Variants in CDH5 observed in about 807,000 individuals in gnomAD.
CDH5 encodes cadherin 5, also known as cadherin-5.
In CDH5, 28 loss-of-function variants were observed where a neutral mutation model predicts 62.0. The observed-to-expected ratio is 0.45, with a 90% confidence interval of 0.33 to 0.62. The LOEUF (loss-of-function observed/expected upper bound fraction) is 0.62, where lower values mean the gene tolerates loss of function less well. Among genes scored for constraint, CDH5 ranks in the 20% least tolerant of loss-of-function variants. The pLI is 0.02. For missense variants in CDH5, 940 were observed against 1,065.1 expected (o/e 0.88, Z 1.63); for synonymous variants, 464 against 445.8 (o/e 1.04, Z -0.52).
intron 1 of CDH5, chr16:66,377,292 G>T (rs1323092776): frequency 1.3e-5 from 2 of 152,278 alleles, no homozygotes; most frequent in Non-Finnish European, 2.9e-5. Context: ...GTCTCTTCCA[G>T]GTTGACCCCC....
chr16:66,404,568 A>T lies in CDH5; in HGVS notation c.*1399A>T, dbSNP rs1269105493. 1 of 152,338 alleles carries T rather than the reference A, an allele frequency of 6.6e-6. No homozygotes were observed. Among genetic ancestry groups the T allele is most frequent in the Non-Finnish European group, 1.5e-5 (1 of 68,042 alleles). 9.4% of individuals were successfully genotyped at this position (152,338 alleles called of 1,614,324 possible). A position where few individuals can be genotyped will look rare whatever the true frequency, so the allele number is the denominator to read the frequency against. On this transcript the variant is annotated 3_prime_UTR_variant, in exon 12 of 12. Transcript: ENST00000341529. ...TTACAAGTTTCTAGCTCTCACAGAC[A>T]TATAGAATAAGGGTTTTTGCATAAT...
rs1397690796 is a variant in CDH5, at chr16:66,394,787, T to C, written c.1218-1272T>C. Among the ~76,000 whole-genome samples, 4 of 151,234 alleles carry C rather than the reference T, an allele frequency of 2.6e-5. No individual in the cohort carries two copies. In the South Asian group the frequency reaches 8.3e-4, roughly 31 times the overall value. On this transcript the variant is annotated intron_variant, in intron 7 of 11. Transcript: ENST00000341529. The stretch of plus-strand genomic sequence containing the variant: ...GCCAGGTTTTTACTTTATATTGAGA[T>C]GTTTAGTTAGATACAGTAAGTTTTC...
chr16:66,370,614 T>C (rs977616059), intron 1 of CDH5, among the ~76,000 whole-genome samples: 1 of 152,132 alleles, frequency 6.6e-6, no homozygotes, highest in African/African-American at 2.4e-5. Context: ...CACCCAGGTA[T>C]GGCATGAAGT....
At chr16:66,395,018 CTTTTTTTTTTTTTTTTTTTTTTTT>C (rs1174519256) in intron 7 of CDH5, among the ~76,000 whole-genome samples, 15 of 13,800 alleles carry the variant, frequency 1.1e-3, no homozygotes, top group South Asian at 8.4e-3. Flanking sequence ...CCAGGCTAAT[CTTTTTTTTTTTTTTTTTTTTTTTT>C]TTTTTTTTTT....
intron 2 of CDH5, among the ~76,000 whole-genome samples, chr16:66,383,775 G>A (rs968548867): frequency 1.4e-4 from 22 of 152,062 alleles, no homozygotes; most frequent in African/African-American, 4.6e-4. Context: ...CCCCCTGCAC[G>A]CCACAGCCTT....
At chr16:66,372,625 G>A (rs1336194860) in intron 1 of CDH5, among the ~76,000 whole-genome samples, 3 of 152,118 alleles carry the variant, frequency 2.0e-5, no homozygotes, top group South Asian at 2.1e-4. Context: ...AGGACCCCTC[G>A]GTCACCAGGC....
At chr16:66,391,967 C>T (rs890834891) in intron 6 of CDH5, among the ~76,000 whole-genome samples, 169 bp from the exon 7 acceptor site, 1 of 152,170 alleles carries the variant, frequency 6.6e-6, no homozygotes, top group Non-Finnish European at 1.5e-5. Context: ...GACACCAGGC[C>T]CAGCCGCTGT....
chr16:66,399,694 G>T (rs1961248085), intron 10 of CDH5, among the ~76,000 whole-genome samples: 1 of 152,160 alleles, frequency 6.6e-6, no homozygotes, highest in Non-Finnish European at 1.5e-5. Flanking sequence ...GTGGGGATCT[G>T]CAATACAGTA....
rs1266061902 is a variant in CDH5 at position 66,398,040 on chromosome 16, T to C, written c.1419T>C (p.Asn473=). 1 of 1,614,184 alleles carries C rather than the reference T, an allele frequency of 6.2e-7. No individual in the cohort carries two copies. Among genetic ancestry groups the C allele is most frequent in the Middle Eastern group, 1.6e-4 (1 of 6,062 alleles). ...VQVHIEVLDE[N]DNAPEFAKPY... ...TCCACATTGAAGTTTTGGATGAGAA[T>C]GACAATGCCCCGGAGTTTGCCAAGC... Residue 473 remains asparagine (N), a synonymous_variant, in exon 9 of 12, where the codon AAT becomes AAC. Transcript: ENST00000341529.
intron 1 of CDH5, among the ~76,000 whole-genome samples, chr16:66,367,422 G>A (rs1048188998): frequency 3.9e-5 from 6 of 152,142 alleles, no homozygotes; most frequent in African/African-American, 1.2e-4. Flanking sequence ...TCTGGACAGC[G>A]GTCCACCATT....
intron 2 of CDH5, among the ~76,000 whole-genome samples, chr16:66,384,240 C>G (rs1284179801): frequency 1.6e-5 from 2 of 127,534 alleles, no homozygotes; most frequent in Admixed American, 1.7e-4. Flanking sequence ...GGGTGTGCCA[C>G]CACACCCAGC....
At chr16:66,400,458 T>C (rs1961260178) in intron 10 of CDH5, among the ~76,000 whole-genome samples, 1 of 152,224 alleles carries the variant, frequency 6.6e-6, no homozygotes, top group Non-Finnish European at 1.5e-5. Flanking sequence ...AACCTCCTGT[T>C]ACTGGAGTGG....
chr16:66,389,543 C>T, intron 5 of CDH5, 21 bp downstream of exon 5: 1 of 1,533,254 alleles, frequency 6.5e-7, no homozygotes, highest in Non-Finnish European at 8.8e-7. Flanking sequence ...CCTCTAGGGC[C>T]CTGGGAAGGG....
intron 1 of CDH5, chr16:66,379,108 G>C (rs892692696): frequency 2.4e-5 from 13 of 545,138 alleles, no homozygotes; most frequent in Non-Finnish European, 4.2e-5. Context: ...TCTTAAATGC[G>C]CTTGTTTACT....
chr16:66,398,324 C>A (rs1961223190), intron 9 of CDH5, 132 bp from the exon 10 acceptor site: 2 of 778,510 alleles, frequency 2.6e-6, no homozygotes, highest in African/African-American at 1.7e-5. Flanking sequence ...TTATGAAGAA[C>A]TAAATAGGTG....
intron 8 of CDH5, 135 bp from the exon 9 acceptor site, chr16:66,397,847 C>A: frequency 2.2e-6 from 2 of 898,170 alleles, no homozygotes; most frequent in Non-Finnish European, 3.5e-6. Context: ...TCCAGAACAC[C>A]ATCCTGGGCC....
chr16:66,368,295 G>C (rs1960623960), intron 1 of CDH5, among the ~76,000 whole-genome samples: 1 of 152,168 alleles, frequency 6.6e-6, no homozygotes, highest in Non-Finnish European at 1.5e-5. Context: ...GCCTGCCCTA[G>C]AGAGCAGCAG....
intron 2 of CDH5, among the ~76,000 whole-genome samples, chr16:66,381,697 G>A (rs1960901623): frequency 6.6e-6 from 1 of 152,184 alleles, no homozygotes; most frequent in South Asian, 2.1e-4. Context: ...CCACCCTCAT[G>A]GAGAGGGTGG....
chr16:66,387,386 G>T (rs1313701802), intron 3 of CDH5, among the ~76,000 whole-genome samples: 1 of 152,134 alleles, frequency 6.6e-6, no homozygotes, highest in Non-Finnish European at 1.5e-5. Flanking sequence ...ATCCTGGACT[G>T]AGCCCTGATC....
Sources: gnomAD v4.1 joint callset for allele counts (sites outside exome capture counted in the v4.1 genomes callset) on GRCh38, gnomAD v4.1.1 for gene constraint, MANE v1.5 for transcripts, NCBI Gene and HGNC (gene_info 2026-07-23, HGNC 2026-07-21) for gene names.